The following SHB variants were observed in gnomAD, a reference collection of about 807,000 sequenced individuals.
SHB encodes SH2 domain-containing adapter protein B.
In SHB, 20 loss-of-function variants were observed where a neutral mutation model predicts 52.3. That is an observed-to-expected ratio of 0.38 (90% CI 0.27 to 0.56). The LOEUF (loss-of-function observed/expected upper bound fraction) is 0.56, where lower values mean the gene tolerates loss of function less well. SHB is among the 20% of genes least tolerant of loss of function. The pLI is 0.71. For synonymous variants in SHB, 397 were observed against 316.5 expected (o/e 1.25, Z -2.70); for missense variants, 825 against 723.3 (o/e 1.14, Z -1.61).
chr9:38,008,129 G>T (rs1184458580), intron 2 of SHB, among the ~76,000 whole-genome samples: 3 of 152,354 alleles, frequency 2.0e-5, no homozygotes, highest in South Asian at 4.1e-4. Flanking sequence ...TCAGCCCACA[G>T]CGGGGGTGCT....
Position 38,030,713 on chromosome 9 carries a change from T to C in SHB, c.718-14582A>G, listed in dbSNP as rs561901939. On this transcript the variant is annotated intron_variant, in intron 1 of 5. Transcript: ENST00000377707. ...ATGAGGGGCCTCACATTCTTATTTTTTGTGGGATGGGCCCTGCAAATTATG... is the reference window on the plus strand; with the variant it reads ...ATGAGGGGCCTCACATTCTTATTTTCTGTGGGATGGGCCCTGCAAATTATG... Among the ~76,000 whole-genome samples the C allele has an allele frequency of 7.2e-5, 11 of 152,244 alleles. No individual in the cohort carries two copies. The East Asian group carries it at 1.9e-3, about 27-fold the overall frequency.
chr9:37,999,339 C>G (rs1820985110), intron 2 of SHB, among the ~76,000 whole-genome samples: 1 of 152,200 alleles, frequency 6.6e-6, no homozygotes, highest in South Asian at 2.1e-4. Context: ...GGTCTCTCTC[C>G]TGCAAGGGGT....
rs1020810017 is a variant in SHB at position 37,917,765 on chromosome 9, A to G, written c.*2056T>C. 1.3e-5 allele frequency among the ~76,000 whole-genome samples: 2 copies of G among 152,242 alleles called. No homozygotes were observed. Among genetic ancestry groups the G allele is most frequent in the African/African-American group, 4.8e-5 (2 of 41,470 alleles). On this transcript the variant is annotated 3_prime_UTR_variant, in exon 6 of 6. Coordinates refer to ENST00000377707, the MANE Select transcript of SHB (RefSeq NM_003028.3). Reference sequence around the variant, plus strand: ...ATTGAGGGATGTTTTAGGAAATGCCAAACAGGCAAGGAAAGGATTGGCTTC... The same window carrying G: ...ATTGAGGGATGTTTTAGGAAATGCCGAACAGGCAAGGAAAGGATTGGCTTC...
rs76751596 is a variant in SHB at position 37,956,009 on chromosome 9, G to A, written c.1100C>T (p.Ser367Leu). 6.3e-4 allele frequency: 1,005 copies of A among 1,586,868 alleles called. 6 individuals are homozygous for A. The African/African-American group carries it at 0.012, about 19-fold the overall frequency. ...ACGAAGCTGGCGCCGCCGGTCCCGCGAAGGTGAGGGGGATGACTGCCGCTT... is the reference window on the plus strand; with the variant it reads ...ACGAAGCTGGCGCCGCCGGTCCCGCAAAGGTGAGGGGGATGACTGCCGCTT... Reference protein sequence around the residue: ...NEKRQSSPSPSRDRRRQLRAP... With the variant: ...NEKRQSSPSPLRDRRRQLRAP... The change falls in exon 4 of 6, where the codon TCG becomes TTG. Residue 367 changes from serine (S) to leucine (L), a missense_variant. Transcript: ENST00000377707.
At chr9:37,971,787 A>T (rs1358561390) in intron 3 of SHB, among the ~76,000 whole-genome samples, 1 of 152,230 alleles carries the variant, frequency 6.6e-6, no homozygotes, top group Non-Finnish European at 1.5e-5. Flanking sequence ...ATTCTGAGAC[A>T]GTTCCATCTG....
chr9:38,041,311 C>T (rs897664721), intron 1 of SHB, among the ~76,000 whole-genome samples: 6 of 152,144 alleles, frequency 3.9e-5, no homozygotes, highest in Admixed American at 6.5e-5. Context: ...ACCAGTCAGG[C>T]GGGGGCTGTG....
At chr9:38,022,249 C>G (rs1425658665) in intron 1 of SHB, among the ~76,000 whole-genome samples, 1 of 152,198 alleles carries the variant, frequency 6.6e-6, no homozygotes, top group East Asian at 1.9e-4. Flanking sequence ...ATGAAGCAAG[C>G]CCCCCTGTCT....
At chr9:37,952,311 A>G (rs1242566385) in intron 4 of SHB, among the ~76,000 whole-genome samples, 1 of 152,210 alleles carries the variant, frequency 6.6e-6, no homozygotes, top group African/African-American at 2.4e-5. Flanking sequence ...GAACATGAGA[A>G]GGAGCCAATC....
At chr9:37,995,805 G>A (rs1820939425) in intron 2 of SHB, among the ~76,000 whole-genome samples, 1 of 152,148 alleles carries the variant, frequency 6.6e-6, no homozygotes, top group South Asian at 2.1e-4. Flanking sequence ...ATTCTGCAGA[G>A]AAGGTCACTG....
Position 37,919,780 on chromosome 9 carries a change from A to C in SHB, c.*41T>G, listed in dbSNP as rs549885645. 11 of 1,567,464 alleles carry C rather than the reference A, an allele frequency of 7.0e-6. No individual in the cohort carries two copies. The African/African-American group carries it at 1.4e-4, about 19-fold the overall frequency. ...TGGTGGGGGGCCTCTGGCACCTCCAAGTCTCAGGCTCTGTCACAGAGCAGG... is the reference window on the plus strand; with the variant it reads ...TGGTGGGGGGCCTCTGGCACCTCCACGTCTCAGGCTCTGTCACAGAGCAGG... On this transcript the variant is annotated 3_prime_UTR_variant, in exon 6 of 6. Transcript: ENST00000377707.
chr9:38,058,421 T>G (rs770531137), intron 1 of SHB, among the ~76,000 whole-genome samples: 1 of 152,150 alleles, frequency 6.6e-6, no homozygotes, highest in Non-Finnish European at 1.5e-5. Context: ...TTCTCCCTCA[T>G]CTCTGCCAGG....
chr9:37,990,916 G>A (rs1473945282), intron 2 of SHB, among the ~76,000 whole-genome samples: 4 of 152,180 alleles, frequency 2.6e-5, no homozygotes, highest in Non-Finnish European at 5.9e-5. Context: ...TTGTAGATAC[G>A]CACAGATGTG....
chr9:38,004,484 G>T (rs555867575), intron 2 of SHB, among the ~76,000 whole-genome samples: 1 of 152,206 alleles, frequency 6.6e-6, no homozygotes, highest in African/African-American at 2.4e-5. Context: ...TGGCAAAGGT[G>T]GGGGGACCAG....
At chr9:37,962,131 G>A (rs541834007) in intron 3 of SHB, among the ~76,000 whole-genome samples, 1 of 152,336 alleles carries the variant, frequency 6.6e-6, no homozygotes, top group Admixed American at 6.5e-5. Flanking sequence ...GACAATACCT[G>A]TACCGTGAAG....
chr9:37,930,910 A>G (rs1378385929), intron 5 of SHB, among the ~76,000 whole-genome samples: 1 of 152,240 alleles, frequency 6.6e-6, no homozygotes, highest in Non-Finnish European at 1.5e-5. Context: ...CTGGCATACA[A>G]ACAGACACAT....
chr9:37,954,410 T>C lies in SHB; in HGVS notation c.1226+1473A>G, dbSNP rs2117908537. Among the ~76,000 whole-genome samples the C allele has an allele frequency of 1.3e-5, 2 of 151,922 alleles. 1 individual carries two copies. Among genetic ancestry groups the C allele is most frequent in the South Asian group, 4.2e-4 (2 of 4,812 alleles). On this transcript the variant is annotated intron_variant, in intron 4 of 5. Coordinates refer to ENST00000377707, the MANE Select transcript of SHB (RefSeq NM_003028.3). ...CTCACGAACCATGTGTGGTTGTCAG[T>C]GAGTCTTGTGGCCTCATGTGTGCCT...
chr9:37,986,126 G>C (rs1398128644), intron 2 of SHB, among the ~76,000 whole-genome samples: 1 of 152,166 alleles, frequency 6.6e-6, no homozygotes, highest in Admixed American at 6.5e-5. Context: ...GCATTTCACA[G>C]AATCTCAAGT....
At position 37,991,906 on chromosome 9, in the gene SHB, G is replaced by A. The variant is rs58830310; in HGVS notation, c.839-17069C>T. ...CACTGAGGGATCTGAAGGGGTTACA[G>A]GCAGCACCACGACAGGTTCTTTCCC... On this transcript the variant is annotated intron_variant, in intron 2 of 5. Transcript: ENST00000377707. 9.7e-3 allele frequency among the ~76,000 whole-genome samples: 1,473 copies of A among 152,324 alleles called. 24 individuals carry two copies. The highest frequency in any genetic ancestry group is 0.033 in the African/African-American group (1,379 of 41,568).
At chr9:38,032,969 A>C (rs892902950) in intron 1 of SHB, among the ~76,000 whole-genome samples, 1 of 152,244 alleles carries the variant, frequency 6.6e-6, no homozygotes, top group Non-Finnish European at 1.5e-5. Context: ...ACTAAGTGCT[A>C]AAATATGCTG....
Sources: gnomAD v4.1 joint callset for allele counts (sites outside exome capture counted in the v4.1 genomes callset) on GRCh38, gnomAD v4.1.1 for gene constraint, MANE v1.5 for transcripts, NCBI Gene and HGNC (gene_info 2026-07-23, HGNC 2026-07-21) for gene names.